Variants in TNIK observed in about 807,000 individuals in gnomAD.
TNIK encodes TRAF2 and NCK-interacting protein kinase.
In TNIK, 49 loss-of-function variants were observed where a neutral mutation model predicts 191.3. That is an observed-to-expected ratio of 0.26 (90% CI 0.20 to 0.32). The LOEUF is 0.32. TNIK is among the 10% of genes least tolerant of loss of function. The pLI is 1.00. For missense variants in TNIK, 1,155 were observed against 1,702.3 expected (o/e 0.68, Z 5.66); for synonymous variants, 594 against 600.9 (o/e 0.99, Z 0.17).
intron 2 of TNIK, among the ~76,000 whole-genome samples, chr3:171,357,545 T>C (rs1431558377): frequency 3.5e-5 from 5 of 143,934 alleles, no homozygotes; most frequent in Non-Finnish European, 6.0e-5. Flanking sequence ...TGCCTCAGCC[T>C]CTGTACTTTT....
In TNIK at chr3:171,075,713, G is replaced by T. The variant is rs560375338; in HGVS notation, c.3448+3805C>A. ...CCACATACGTTTACAGACATTAAACGTTTTTTTTTTTTCCAAAAGCTGCTA... is the reference window on the plus strand; with the variant it reads ...CCACATACGTTTACAGACATTAAACTTTTTTTTTTTTTCCAAAAGCTGCTA... On this transcript the variant is annotated intron_variant, in intron 28 of 32. Coordinates refer to ENST00000436636, the MANE Select transcript of TNIK (RefSeq NM_015028.4). Among the ~76,000 whole-genome samples the T allele has an allele frequency of 1.7e-3, 242 of 143,936 alleles. 2 individuals carry two copies. Among genetic ancestry groups the T allele is most frequent in the African/African-American group, 5.8e-3 (230 of 39,536 alleles). 94.4% of individuals were successfully genotyped at this position (143,936 alleles called of 152,430 possible).
intron 23 of TNIK, among the ~76,000 whole-genome samples, chr3:171,090,213 G>A (rs1260617987): frequency 6.6e-6 from 1 of 152,096 alleles, no homozygotes; most frequent in Non-Finnish European, 1.5e-5. Flanking sequence ...CAGAGATTAG[G>A]GTAAGGAGAG....
At chr3:171,129,708 A>T (rs1365714489) in intron 15 of TNIK, among the ~76,000 whole-genome samples, 1 of 152,190 alleles carries the variant, frequency 6.6e-6, no homozygotes, top group Non-Finnish European at 1.5e-5. Flanking sequence ...AAAGCAGATA[A>T]CAGATCCCAA....
At chr3:171,189,633 C>T (rs1348306906) in intron 6 of TNIK, among the ~76,000 whole-genome samples, 1 of 152,108 alleles carries the variant, frequency 6.6e-6, no homozygotes, top group Non-Finnish European at 1.5e-5. Context: ...CTCTGAGCTT[C>T]GGTTTCCTAA....
At chr3:171,186,382 GTTAT>G (rs1179654990) in intron 7 of TNIK, among the ~76,000 whole-genome samples, 2 of 152,154 alleles carry the variant, frequency 1.3e-5, no homozygotes, top group Admixed American at 1.3e-4. Flanking sequence ...GCTTGGTTTT[GTTAT>G]TTATTATTTA....
intron 2 of TNIK, chr3:171,347,205 C>T: frequency 6.6e-7 from 1 of 1,504,310 alleles, no homozygotes; most frequent in Non-Finnish European, 8.9e-7. Flanking sequence ...GCCCTTCACT[C>T]ACTGGTTCAT....
At chr3:171,316,920 CATATAAAATATATAATTATATGAT>C (rs1754667238) in intron 2 of TNIK, among the ~76,000 whole-genome samples, 1 of 91,614 alleles carries the variant, frequency 1.1e-5, no homozygotes, top group Non-Finnish European at 2.1e-5. Context: ...TGATATATAT[CATATAAAATATATAATTATATGAT>C]ATATATCATA....
chr3:171,373,526 T>G (rs1716816140), intron 1 of TNIK, among the ~76,000 whole-genome samples: 1 of 152,166 alleles, frequency 6.6e-6, no homozygotes, highest in Non-Finnish European at 1.5e-5. Flanking sequence ...GACCATTTGC[T>G]TTTAGTTAAT....
intron 4 of TNIK, among the ~76,000 whole-genome samples, chr3:171,196,478 G>T (rs540148944): frequency 6.6e-6 from 1 of 152,204 alleles, no homozygotes; most frequent in South Asian, 2.1e-4. Context: ...TGATTTACAG[G>T]AAATTCAGAG....
At chr3:171,389,505 A>C (rs1325473554) in intron 1 of TNIK, among the ~76,000 whole-genome samples, 1 of 152,190 alleles carries the variant, frequency 6.6e-6, no homozygotes, top group Non-Finnish European at 1.5e-5. Context: ...AGGTACCAAC[A>C]TTTGTAGAGC....
chr3:171,337,284 A>G (rs1173814455), intron 2 of TNIK, among the ~76,000 whole-genome samples: 1 of 152,248 alleles, frequency 6.6e-6, no homozygotes, highest in Admixed American at 6.5e-5. Flanking sequence ...AGAAGGTAAG[A>G]GCCTCCAAGT....
chr3:171,095,410 C>T (rs1017379080), intron 22 of TNIK, among the ~76,000 whole-genome samples: 2 of 152,164 alleles, frequency 1.3e-5, no homozygotes, highest in African/African-American at 2.4e-5. Context: ...GTTGTTAATG[C>T]GATACTTGTT....
chr3:171,389,477 C>T (rs752877138), intron 1 of TNIK, among the ~76,000 whole-genome samples: 7 of 152,170 alleles, frequency 4.6e-5, no homozygotes, highest in Non-Finnish European at 8.8e-5. Flanking sequence ...ACCCCAGTCT[C>T]AAGAAGCAGA....
At chr3:171,387,586 A>T in intron 1 of TNIK, among the ~76,000 whole-genome samples, 1 of 152,200 alleles carries the variant, frequency 6.6e-6, no homozygotes, top group Non-Finnish European at 1.5e-5. Context: ...CTTAAGGAGT[A>T]TGTGTCTGGG....
At chr3:171,139,386 A>G (rs1011387364) in intron 14 of TNIK, 84 bp downstream of exon 14, 228 of 985,282 alleles carry the variant, frequency 2.3e-4, no homozygotes, top group Non-Finnish European at 3.1e-4. Flanking sequence ...GCGCACACAC[A>G]CACACACACA....
intron 3 of TNIK, among the ~76,000 whole-genome samples, chr3:171,223,005 T>C (rs546393921): frequency 6.6e-6 from 1 of 152,348 alleles, no homozygotes; most frequent in South Asian, 2.1e-4. Context: ...TTGATCAAAG[T>C]GTTCTACTGA....
At chr3:171,185,255 T>G (rs1367988990) in intron 7 of TNIK, among the ~76,000 whole-genome samples, 1 of 151,420 alleles carries the variant, frequency 6.6e-6, no homozygotes, top group Non-Finnish European at 1.5e-5. Flanking sequence ...ACATTATGTG[T>G]ACTATACTGT....
chr3:171,178,511 A>AG (rs34521124), intron 7 of TNIK, among the ~76,000 whole-genome samples: 5 of 152,206 alleles, frequency 3.3e-5, no homozygotes, highest in Non-Finnish European at 7.3e-5. Context: ...AGAATTTTCT[A>AG]GGCTAATGCC....
At chr3:171,413,046 G>A (rs181450494) in intron 1 of TNIK, among the ~76,000 whole-genome samples, 6 of 152,220 alleles carry the variant, frequency 3.9e-5, no homozygotes, top group Non-Finnish European at 5.9e-5. Context: ...TTTTAAACAC[G>A]GAATGGGCAT....
Sources: gnomAD v4.1 joint callset for allele counts (sites outside exome capture counted in the v4.1 genomes callset) on GRCh38, gnomAD v4.1.1 for gene constraint, MANE v1.5 for transcripts, NCBI Gene and HGNC (gene_info 2026-07-23, HGNC 2026-07-21) for gene names.